Variants in ERAP2 observed in about 807,000 individuals in gnomAD.
The protein encoded by ERAP2 is endoplasmic reticulum aminopeptidase 2.
A neutral mutation model predicts 111.1 loss-of-function variants in ERAP2; 118 were observed. The ratio of observed to expected loss-of-function variants is 1.06; its 90% CI spans 0.92 to 1.24. The LOEUF (loss-of-function observed/expected upper bound fraction) is 1.24. ERAP2 is among the 50% of genes most tolerant of loss of function. The pLI is 0.00. For synonymous variants in ERAP2, 410 were observed against 401.2 expected, an observed-to-expected ratio of 1.02 and a Z score of -0.26; for missense variants, 1,131 against 1,125.8, an observed-to-expected ratio of 1.00 and a Z score of -0.07.
At chr5:96,909,946 C>A in intron 15 of ERAP2, 182 bp downstream of exon 15, 1 of 571,536 alleles carries the variant, frequency 1.7e-6, no homozygotes, top group Non-Finnish European at 3.1e-6. Flanking sequence ...AGTACAATCT[C>A]TACCATGAAA....
intron 13 of ERAP2, among the ~76,000 whole-genome samples, chr5:96,907,503 T>G (rs548051613): frequency 9.8e-5 from 15 of 152,334 alleles, no homozygotes; most frequent in African/African-American, 3.6e-4. Context: ...CTATTGCTGA[T>G]GCTAAGGTAT....
chr5:96,906,360 G>C (rs935405789), intron 13 of ERAP2, among the ~76,000 whole-genome samples: 1 of 152,058 alleles, frequency 6.6e-6, no homozygotes, highest in Non-Finnish European at 1.5e-5. Context: ...TCAACCTCCT[G>C]GGCTCAAGCG....
chr5:96,879,777 A>G lies in ERAP2; in HGVS notation c.92A>G (p.Gln31Arg), dbSNP rs367736564. ...GFYCLTAILP[Q>R]ICICSQFSVP... ...TACTGCTTAACAGCCATCTTGCCCC[A>G]AATATGCATTTGTTCTCAGTTCTCA... Residue 31 changes from glutamine (Q) to arginine (R), a missense_variant, in exon 2 of 19, where the codon CAA becomes CGA. Gln to Arg is a conservative substitution (Grantham distance 43, BLOSUM62 1). Transcript: ENST00000437043. The G allele has an allele frequency of 5.6e-5, 90 of 1,614,096 alleles. No individual in the cohort carries two copies. Among genetic ancestry groups the G allele is most frequent in the Non-Finnish European group, 7.2e-5 (85 of 1,180,032 alleles).
chr5:96,878,897 C>T (rs1019078304), intron 1 of ERAP2, among the ~76,000 whole-genome samples: 4 of 152,042 alleles, frequency 2.6e-5, no homozygotes, highest in African/African-American at 9.7e-5. Flanking sequence ...CACTGCATTC[C>T]AACCTGGACA....
At chr5:96,911,961 G>A (rs569259278) in intron 15 of ERAP2, among the ~76,000 whole-genome samples, 25 of 150,116 alleles carry the variant, frequency 1.7e-4, no homozygotes, top group East Asian at 1.4e-3. Context: ...AGGCTGAGGC[G>A]GGCGGATCAC....
At chr5:96,890,024 TA>T (rs1429224930) in intron 5 of ERAP2, among the ~76,000 whole-genome samples, 12 of 152,184 alleles carry the variant, frequency 7.9e-5, no homozygotes, top group Admixed American at 7.9e-4. Context: ...GGTTGGATGG[TA>T]AGACTGTGGA....
chr5:96,913,639 C>T (rs957809901), intron 17 of ERAP2, among the ~76,000 whole-genome samples, 182 bp downstream of exon 17: 1 of 152,146 alleles, frequency 6.6e-6, no homozygotes, highest in Non-Finnish European at 1.5e-5. Flanking sequence ...AAGGGAGAGA[C>T]ATGAGAATAA....
intron 3 of ERAP2, 137 bp downstream of exon 3, chr5:96,884,067 T>TATCC: frequency 1.5e-6 from 1 of 657,780 alleles, no homozygotes; most frequent in African/African-American, 2.0e-5. Context: ...TCTATCTATC[T>TATCC]ATCTATCTAT....
rs1442622347 is a variant in ERAP2 at position 96,919,480 on chromosome 5, G to A, written c.*1875G>A. 1 of 152,248 alleles carries A rather than the reference G, an allele frequency of 6.6e-6. No homozygotes were observed. The highest frequency in any genetic ancestry group is 2.4e-5 in the African/African-American group (1 of 41,416). 9.4% of individuals were successfully genotyped at this position (152,248 alleles called of 1,614,324 possible). ...CCATATGTAAATTAAATAGTGAAAT[G>A]TGTATGAGTTTCAGTAGAACTGTAC... is the stretch of plus-strand genomic sequence containing the variant. On this transcript the variant is annotated 3_prime_UTR_variant, in exon 19 of 19. Coordinates refer to ENST00000437043, the MANE Select transcript of ERAP2 (RefSeq NM_022350.5).
chr5:96,895,509 A>G, intron 7 of ERAP2, 150 bp downstream of exon 7: 1 of 647,974 alleles, frequency 1.5e-6, no homozygotes, highest in Non-Finnish European at 2.7e-6. Context: ...AACAGATCAC[A>G]GAACTGGATG....
intron 3 of ERAP2, among the ~76,000 whole-genome samples, chr5:96,884,549 C>T (rs1042818082): frequency 7.4e-5 from 8 of 108,610 alleles, no homozygotes; most frequent in Non-Finnish European, 1.2e-4. Flanking sequence ...TGTGGTTATA[C>T]AAGTTTTTTG....
chr5:96,900,501 A>C (rs1178105549), intron 10 of ERAP2, among the ~76,000 whole-genome samples: 2 of 152,146 alleles, frequency 1.3e-5, no homozygotes. Flanking sequence ...GAAAAATGCC[A>C]AAATAAGTAT....
chr5:96,896,947 T>G, intron 9 of ERAP2, 84 bp downstream of exon 9: 1 of 1,378,062 alleles, frequency 7.3e-7, no homozygotes, highest in Non-Finnish European at 9.6e-7. Context: ...AATAGCTATA[T>G]ATTGTCAGTC....
chr5:96,886,080 A>G (rs954646862), intron 3 of ERAP2, among the ~76,000 whole-genome samples: 2 of 152,224 alleles, frequency 1.3e-5, no homozygotes, highest in Non-Finnish European at 2.9e-5. Context: ...TCACATCCAC[A>G]TCTTGGTCCT....
intron 12 of ERAP2, 32 bp downstream of exon 12, chr5:96,902,385 A>G (rs751750630): frequency 1.3e-5 from 17 of 1,348,580 alleles, no homozygotes; most frequent in Non-Finnish European, 1.8e-5. Context: ...CAGGTATTTC[A>G]ATGTGGAAAT....
rs555261177 is a variant in ERAP2, at chr5:96,878,912, C to T, written c.-122-652C>T. Among the ~76,000 whole-genome samples the T allele has an allele frequency of 3.9e-4, 60 of 152,072 alleles. 1 individual carries two copies. The South Asian group carries it at 0.012, about 30-fold the overall frequency. ...CACTGCATTCCAACCTGGACAACAG[C>T]GAGATTCCGTCTCAAAAACATAAAT... On this transcript the variant is annotated intron_variant, in intron 1 of 18. Coordinates refer to ENST00000437043, the MANE Select transcript of ERAP2 (RefSeq NM_022350.5).
chr5:96,877,323 A>G (rs1291059900), intron 1 of ERAP2, among the ~76,000 whole-genome samples: 2 of 151,952 alleles, frequency 1.3e-5, no homozygotes, highest in Non-Finnish European at 2.9e-5. Context: ...GGCCTTTACA[A>G]CCCTTACTAG....
At chr5:96,890,427 C>T (rs543233227) in intron 5 of ERAP2, among the ~76,000 whole-genome samples, 9 of 152,268 alleles carry the variant, frequency 5.9e-5, no homozygotes, top group South Asian at 4.1e-4. Context: ...TCTCGCCCAC[C>T]GCTCACCTCC....
In ERAP2 at chr5:96,903,551, A is replaced by G. The variant is rs1247287187; in HGVS notation, c.2003A>G (p.Gln668Arg). The stretch of plus-strand genomic sequence containing the variant: ...GTAGGTCTGATTCATGATGTGTTTC[A>G]GCTAGTTGGGTAAGGCAACATTTCC... ...DRVGLIHDVF[Q>R]LVGAGRLTLD... Residue 668 changes from glutamine (Q) to arginine (R), a missense_variant, in exon 13 of 19, where the codon CAG (glutamine) becomes CGG (arginine). Physicochemically the swap from Gln to Arg is conservative, Grantham distance 43. Around this residue, in one of 3 missense-constraint regions of ERAP2, gnomAD observed 847 missense variants for 856.5 expected, o/e 0.99. Coordinates refer to ENST00000437043, the MANE Select transcript of ERAP2 (RefSeq NM_022350.5). 1.9e-6 allele frequency: 3 copies of G among 1,596,954 alleles called. No individual in the cohort carries two copies. The Admixed American group carries it at 5.4e-5, about 29-fold the overall frequency.
Sources: gnomAD v4.1 joint callset for allele counts (sites outside exome capture counted in the v4.1 genomes callset) on GRCh38, gnomAD v4.1.1 for gene constraint, gnomAD v4.1.1 regional missense constraint, MANE v1.5 for transcripts, NCBI Gene and HGNC (gene_info 2026-07-23, HGNC 2026-07-21) for gene names.